Variants in CNTN3 observed in about 807,000 individuals in gnomAD.
The protein encoded by CNTN3 is contactin 3, also known as contactin-3.
Under a neutral mutation model 119.1 loss-of-function variants are expected in CNTN3, and 60 were observed. The observed-to-expected ratio is 0.50, with a 90% CI of 0.41 to 0.62. The LOEUF is 0.62. Ranked by LOEUF, CNTN3 falls within the 20% of genes least tolerant of loss-of-function variation. CNTN3 has a pLI of 0.00. For synonymous variants in CNTN3, 450 were observed against 438.7 expected (o/e 1.03, Z -0.32); for missense variants, 1,101 against 1,242.4 (o/e 0.89, Z 1.71).
chr3:74,375,402 G>A (rs1396404497), intron 5 of CNTN3, among the ~76,000 whole-genome samples: 1 of 152,136 alleles, frequency 6.6e-6, no homozygotes, highest in Non-Finnish European at 1.5e-5. Flanking sequence ...TATTGGTGGG[G>A]TAGGCAGAAT....
intron 11 of CNTN3, among the ~76,000 whole-genome samples, chr3:74,361,381 C>T (rs1311520381): frequency 2.6e-5 from 4 of 152,158 alleles, no homozygotes; most frequent in African/African-American, 7.2e-5. Context: ...GGTCTAGCTC[C>T]AGAGTCTGTG....
At chr3:74,325,513 A>T (rs549141254) in intron 13 of CNTN3, among the ~76,000 whole-genome samples, 41 of 152,234 alleles carry the variant, frequency 2.7e-4, no homozygotes, top group Middle Eastern at 3.4e-3. Flanking sequence ...CAAAAATTTT[A>T]AAAAAATGAA....
intron 4 of CNTN3, among the ~76,000 whole-genome samples, chr3:74,463,495 A>ACCC (rs1702408549): frequency 6.6e-6 from 1 of 151,794 alleles, no homozygotes; most frequent in African/African-American, 2.4e-5. Flanking sequence ...TATGATGCCG[A>ACCC]CCCCCTTCGT....
At chr3:74,321,902 A>C (rs542062154) in intron 13 of CNTN3, among the ~76,000 whole-genome samples, 1 of 152,260 alleles carries the variant, frequency 6.6e-6, no homozygotes, top group Non-Finnish European at 1.5e-5. Flanking sequence ...ATGATTAATA[A>C]TTTTCCCAAA....
At position 74,301,782 on chromosome 3, in the gene CNTN3, C is replaced by T. The variant is rs140530465; in HGVS notation, c.1810G>A (p.Val604Met). The T allele has an allele frequency of 1.3e-3, 2,054 of 1,614,020 alleles. 3 individuals carry two copies. Among genetic ancestry groups the T allele is most frequent in the Admixed American group, 1.8e-3 (108 of 60,010 alleles). The change falls in exon 15 of 23, where the codon GTG becomes ATG. Residue 604 changes from valine to methionine, a missense_variant. Transcript: ENST00000263665. ...GTGTCTGTAATTTCATCTACCTTCA[C>T]ATTTTCTGGTGGTCCAGGTGAACCT... ...VRGSPGPPENVKVDEITDTTA... is the reference protein window; with the variant it reads ...VRGSPGPPENMKVDEITDTTA...
intron 2 of CNTN3, among the ~76,000 whole-genome samples, chr3:74,513,294 A>G (rs1272125859): frequency 6.6e-6 from 1 of 152,144 alleles, no homozygotes; most frequent in Non-Finnish European, 1.5e-5. Flanking sequence ...ACACCAATCA[A>G]TGTCACAATG....
intron 5 of CNTN3, among the ~76,000 whole-genome samples, chr3:74,423,139 A>G (rs190610954): frequency 1.3e-3 from 193 of 152,330 alleles, no homozygotes; most frequent in African/African-American, 4.4e-3. Context: ...TGTTTATGGA[A>G]TTGATTCAAT....
intron 13 of CNTN3, among the ~76,000 whole-genome samples, chr3:74,314,834 G>C (rs925828060): frequency 1.3e-5 from 2 of 152,134 alleles, no homozygotes; most frequent in African/African-American, 4.8e-5. Context: ...TTATCCAACA[G>C]CAGTGTCAGA....
At chr3:74,446,878 A>G (rs1331522775) in intron 4 of CNTN3, among the ~76,000 whole-genome samples, 1 of 152,152 alleles carries the variant, frequency 6.6e-6, no homozygotes, top group Non-Finnish European at 1.5e-5. Flanking sequence ...ACAGATTTGC[A>G]TTCTAGGTCA....
At chr3:74,285,972 G>C (rs1702109002) in intron 19 of CNTN3, among the ~76,000 whole-genome samples, 4 of 151,382 alleles carry the variant, frequency 2.6e-5, no homozygotes. Flanking sequence ...GAAAAGTCAA[G>C]AAAGAAATAA....
At chr3:74,454,222 T>G (rs1480433678) in intron 4 of CNTN3, among the ~76,000 whole-genome samples, 1 of 131,982 alleles carries the variant, frequency 7.6e-6, no homozygotes, top group Non-Finnish European at 1.6e-5. Flanking sequence ...ATATTTAGGA[T>G]AGTTAGCTCT....
At chr3:74,405,968 G>A (rs1575694126) in intron 5 of CNTN3, among the ~76,000 whole-genome samples, 1 of 152,060 alleles carries the variant, frequency 6.6e-6, no homozygotes, top group East Asian at 1.9e-4. Context: ...TAAGGATACT[G>A]CTTTCTGTTG....
chr3:74,516,850 GTCT>G (rs146607257), intron 2 of CNTN3, among the ~76,000 whole-genome samples: 1 of 143,866 alleles, frequency 7.0e-6, no homozygotes, highest in Admixed American at 6.8e-5. Flanking sequence ...GTCACAAGAT[GTCT>G]GGCTCCTCTA....
intron 3 of CNTN3, 109 bp downstream of exon 3, chr3:74,499,550 A>ATTTTTT: frequency 2.0e-6 from 2 of 998,522 alleles, no homozygotes; most frequent in South Asian, 1.8e-5. Context: ...AGCTTCACGT[A>ATTTTTT]TTTTTTTCTT....
chr3:74,503,292 C>T (rs1289696684), intron 2 of CNTN3, among the ~76,000 whole-genome samples: 2 of 152,066 alleles, frequency 1.3e-5, no homozygotes, highest in African/African-American at 2.4e-5. Context: ...TTCCTGATGG[C>T]GCTGGAGTTA....
chr3:74,351,961 G>A (rs533762211), intron 11 of CNTN3, among the ~76,000 whole-genome samples: 1 of 152,282 alleles, frequency 6.6e-6, no homozygotes, highest in South Asian at 2.1e-4. Context: ...GGGAAGCCAG[G>A]TCAGGAAGGA....
intron 4 of CNTN3, among the ~76,000 whole-genome samples, chr3:74,455,156 G>T (rs1292218027): frequency 6.6e-6 from 1 of 152,076 alleles, no homozygotes; most frequent in Non-Finnish European, 1.5e-5. Context: ...ATCAGACGTA[G>T]ATTTGGTCTT....
At chr3:74,464,502 G>T (rs1702426526) in intron 4 of CNTN3, among the ~76,000 whole-genome samples, 1 of 152,162 alleles carries the variant, frequency 6.6e-6, no homozygotes, top group South Asian at 2.1e-4. Flanking sequence ...GTCAGTGGAA[G>T]GATATGCTTA....
chr3:74,339,092 C>G (rs993765222), intron 11 of CNTN3, among the ~76,000 whole-genome samples: 12 of 152,016 alleles, frequency 7.9e-5, no homozygotes, highest in African/African-American at 2.9e-4. Context: ...AGAAACCCTG[C>G]AGAGAAGTAA....
Sources: gnomAD v4.1 joint callset for allele counts (sites outside exome capture counted in the v4.1 genomes callset) on GRCh38, gnomAD v4.1.1 for gene constraint, MANE v1.5 for transcripts, NCBI Gene and HGNC (gene_info 2026-07-23, HGNC 2026-07-21) for gene names.